The following LRRFIP1 variants were observed in gnomAD, a reference collection of about 807,000 sequenced individuals.
The protein encoded by LRRFIP1 is LRR binding FLII interacting protein 1, also known as leucine-rich repeat flightless-interacting protein 1.
A neutral mutation model predicts 104.4 loss-of-function variants in LRRFIP1; 62 were observed. That is an observed-to-expected ratio of 0.59 (90% confidence interval 0.48 to 0.73). The LOEUF is 0.73. Ranked by LOEUF, LRRFIP1 falls within the 30% of genes least tolerant of loss-of-function variation. LRRFIP1 has a pLI of 0.00. For synonymous variants in LRRFIP1, 300 were observed against 299.0 expected (o/e 1.00, Z -0.03); for missense variants, 796 against 824.5 (o/e 0.97, Z 0.42).
chr2:237,691,049 C>G lies in LRRFIP1; in HGVS notation c.97-17495C>G, dbSNP rs561590548. ...CTCCTGACAACTCCTGCCCTGAAGC[C>G]CTGGGCCCGGGTCACGGCGGGAAGG... On this transcript the variant is annotated intron_variant, in intron 1 of 23. Coordinates refer to ENST00000308482, the MANE Select transcript of LRRFIP1 (RefSeq NM_001137550.2). The surrounding 1 kb of genome is among the most constrained non-coding windows in gnomAD (Gnocchi z 5.4). Among the ~76,000 whole-genome samples, 1 of 151,844 alleles carries G rather than the reference C, an allele frequency of 6.6e-6. No homozygotes were observed. The highest frequency in any genetic ancestry group is 1.5e-5 in the Non-Finnish European group (1 of 68,028).
chr2:237,689,403 C>T (rs2092619286), intron 1 of LRRFIP1, among the ~76,000 whole-genome samples: 1 of 152,216 alleles, frequency 6.6e-6, no homozygotes, highest in Admixed American at 6.5e-5. Flanking sequence ...GTAGCATCCT[C>T]TCATCTAGAA....
chr2:237,719,583 A>G lies in LRRFIP1; in HGVS notation c.294+16A>G, dbSNP rs376746971. 6 of 1,601,752 alleles carry G rather than the reference A, an allele frequency of 3.7e-6. No individual in the cohort carries two copies. In the African/African-American group the frequency reaches 5.4e-5, roughly 14 times the overall value. On this transcript the variant is annotated intron_variant, in intron 5 of 23. Coordinates refer to ENST00000308482, the MANE Select transcript of LRRFIP1 (RefSeq NM_001137550.2). ...AAACACATCGGTTAGTACCGTGTTC[A>G]TTCATTACTTGGGCAATTTGATTGA... is the stretch of plus-strand genomic sequence containing the variant.
intron 14 of LRRFIP1, among the ~76,000 whole-genome samples, chr2:237,752,084 A>G (rs1199172955): frequency 6.6e-6 from 1 of 152,166 alleles, no homozygotes; most frequent in East Asian, 1.9e-4. Flanking sequence ...AGGGGGAAAA[A>G]TAAGACTCTG....
chr2:237,767,189 G>C (rs1484947853), intron 19 of LRRFIP1, among the ~76,000 whole-genome samples: 1 of 151,846 alleles, frequency 6.6e-6, no homozygotes, highest in Non-Finnish European at 1.5e-5. Context: ...AAAAAAGAAA[G>C]AAAAGAAAAA....
In LRRFIP1 at chr2:237,631,032, G is replaced by A. The variant is rs560765458; in HGVS notation, c.96+3292G>A. ...TTAGGGGCTCAGTGCCTGTGGCAAA[G>A]GGGGGTGGGTCTACCCTGTGACCTG... On this transcript the variant is annotated intron_variant, in intron 1 of 23. Transcript: ENST00000308482. Among the ~76,000 whole-genome samples, 11 of 152,346 alleles carry A rather than the reference G, an allele frequency of 7.2e-5. No individual in the cohort carries two copies. The East Asian group carries it at 1.2e-3, about 16-fold the overall frequency.
chr2:237,730,608 T>A (rs2094957200), intron 8 of LRRFIP1, among the ~76,000 whole-genome samples: 1 of 152,084 alleles, frequency 6.6e-6, no homozygotes, highest in Admixed American at 6.6e-5. Context: ...GGAAAAAAGA[T>A]GTGAGCTGAA....
chr2:237,713,703 A>G (rs1186147392), intron 2 of LRRFIP1, among the ~76,000 whole-genome samples: 1 of 152,192 alleles, frequency 6.6e-6, no homozygotes, highest in African/African-American at 2.4e-5. Flanking sequence ...ATTAAAAGAA[A>G]CCTCTGAAGC....
At position 237,703,525 on chromosome 2, in the gene LRRFIP1, G is replaced by A. The variant is rs1228543944; in HGVS notation, c.97-5019G>A. Among the ~76,000 whole-genome samples, 2 of 152,184 alleles carry A rather than the reference G, an allele frequency of 1.3e-5. No individual in the cohort carries two copies. Among genetic ancestry groups the A allele is most frequent in the East Asian group, 3.9e-4 (2 of 5,172 alleles). On this transcript the variant is annotated intron_variant, in intron 1 of 23. Coordinates refer to ENST00000308482, the MANE Select transcript of LRRFIP1 (RefSeq NM_001137550.2). This position sits in a 1 kb window ranked among gnomAD's most constrained non-coding sequence, Gnocchi z 4.3. ...GAGGGCGAGGGTCTGCACCCCAGGC[G>A]TCTGCACTCCTTGTCACCAGCTCCT... is the stretch of plus-strand genomic sequence containing the variant.
intron 9 of LRRFIP1, among the ~76,000 whole-genome samples, chr2:237,734,195 G>A (rs1193799347): frequency 6.7e-6 from 1 of 149,028 alleles, no homozygotes; most frequent in African/African-American, 2.5e-5. Context: ...GAAATTTCCA[G>A]TTTTAAATAT....
chr2:237,720,859 T>C (rs1255962774), intron 6 of LRRFIP1, 37 bp downstream of exon 6: 2 of 1,595,430 alleles, frequency 1.3e-6, no homozygotes, highest in South Asian at 2.2e-5. Flanking sequence ...CATGGCACAG[T>C]TTCTGGTCCA....
At chr2:237,653,249 A>G (rs911117243) in intron 1 of LRRFIP1, among the ~76,000 whole-genome samples, 3 of 152,252 alleles carry the variant, frequency 2.0e-5, no homozygotes, top group Non-Finnish European at 4.4e-5. Context: ...AATAAAGAAA[A>G]GAATCCCATT....
In LRRFIP1 at chr2:237,691,643, G is replaced by A. The variant is rs2092760416; in HGVS notation, c.97-16901G>A. On this transcript the variant is annotated intron_variant, in intron 1 of 23. Transcript: ENST00000308482. The surrounding 1 kb of genome is among the most constrained non-coding windows in gnomAD (Gnocchi z 5.4). Reference sequence around the variant, plus strand: ...TCAGCGTGGCCTGAGGGTGATGGATGTGGGGGAGCCGGGAACTCATACCCT... The same window carrying A: ...TCAGCGTGGCCTGAGGGTGATGGATATGGGGGAGCCGGGAACTCATACCCT... 6.7e-6 allele frequency among the ~76,000 whole-genome samples: 1 copy of A among 149,772 alleles called. No individual in the cohort carries two copies. Among genetic ancestry groups the A allele is most frequent in the South Asian group, 2.1e-4 (1 of 4,830 alleles).
Position 237,714,282 on chromosome 2 carries a change from C to A in LRRFIP1, c.201+6C>A. On this transcript the variant is annotated splice_donor_region_variant and intron_variant, in intron 3 of 23. Coordinates refer to ENST00000308482, the MANE Select transcript of LRRFIP1 (RefSeq NM_001137550.2). ...AGATCTATCAGGTCCAAAAGGTAGG[C>A]TCTTCTTTCTTTATTTTCTAACTTG... is the stretch of plus-strand genomic sequence containing the variant. The A allele has an allele frequency of 1.3e-6, 2 of 1,598,572 alleles. No homozygotes were observed. The highest frequency in any genetic ancestry group is 1.7e-6 in the Non-Finnish European group (2 of 1,169,422).
At chr2:237,764,483 C>A in intron 19 of LRRFIP1, 10 of 1,143,876 alleles carry the variant, frequency 8.7e-6, no homozygotes, top group Non-Finnish European at 1.1e-5. Flanking sequence ...GTTTTCTTGA[C>A]CAAATATATC....
intron 1 of LRRFIP1, among the ~76,000 whole-genome samples, chr2:237,663,062 C>G (rs1191654286): frequency 6.6e-6 from 1 of 152,172 alleles, no homozygotes; most frequent in East Asian, 1.9e-4. Flanking sequence ...CGGCAGGGAG[C>G]TGGAACACTG....
chr2:237,764,154 G>A, intron 19 of LRRFIP1: 1 of 1,614,030 alleles, frequency 6.2e-7, no homozygotes, highest in Non-Finnish European at 8.5e-7. Context: ...GAGGCAGGCG[G>A]CAGGCGCGGT....
intron 1 of LRRFIP1, among the ~76,000 whole-genome samples, chr2:237,667,136 C>A (rs1234842805): frequency 1.3e-5 from 2 of 151,992 alleles, no homozygotes; most frequent in Non-Finnish European, 2.9e-5. Flanking sequence ...GATTTTCAGC[C>A]CCGCATGCTT....
chr2:237,744,815 C>T (rs1172858160), intron 11 of LRRFIP1, among the ~76,000 whole-genome samples: 1 of 152,246 alleles, frequency 6.6e-6, no homozygotes, highest in Admixed American at 6.5e-5. Flanking sequence ...ATGTGTTCGG[C>T]GCTGTCGCCC....
chr2:237,765,697 A>C (rs1318435700), intron 19 of LRRFIP1: 1 of 935,130 alleles, frequency 1.1e-6, no homozygotes, highest in Non-Finnish European at 1.3e-6. Flanking sequence ...TCTATATAAA[A>C]AAATTTTTTA....
Sources: allele counts gnomAD v4.1 joint callset (sites outside exome capture counted in the v4.1 genomes callset), GRCh38; gene constraint gnomAD v4.1.1; non-coding constraint Gnocchi (gnomAD v3.1); transcripts MANE v1.5; gene names NCBI Gene and HGNC (gene_info 2026-07-23, HGNC 2026-07-21).